MEGF10: variants seen among roughly 807,000 people sequenced by gnomAD.
MEGF10 encodes multiple EGF like domains 10, also known as multiple epidermal growth factor-like domains protein 10.
A neutral mutation model predicts 147.5 loss-of-function variants in MEGF10; 86 were observed. The ratio of observed to expected loss-of-function variants is 0.58; its 90% CI spans 0.49 to 0.70. MEGF10 has a LOEUF of 0.70. Among genes scored for constraint, MEGF10 ranks in the 30% least tolerant of loss-of-function variants. The pLI is 0.00. For missense variants in MEGF10, 1,329 were observed against 1,487.3 expected, an observed-to-expected ratio of 0.89 and a Z score of 1.75; for synonymous variants, 478 against 525.5, an observed-to-expected ratio of 0.91 and a Z score of 1.24.
At chr5:127,385,819 A>G (rs1418418295) in intron 5 of MEGF10, among the ~76,000 whole-genome samples, 3 of 152,198 alleles carry the variant, frequency 2.0e-5, no homozygotes, top group African/African-American at 4.8e-5. Context: ...AATAACAACA[A>G]CGTGGCTGTG....
At chr5:127,264,284 C>A in the MEGF10 span, among the ~76,000 whole-genome samples, 1 of 152,186 alleles carries the variant, frequency 6.6e-6, no homozygotes, top group East Asian at 1.9e-4. Context: ...ATCCTCATAA[C>A]AGGCCTAGGA....
intron 13 of MEGF10, among the ~76,000 whole-genome samples, chr5:127,429,547 C>G: frequency 6.6e-6 from 1 of 152,164 alleles, no homozygotes. Context: ...GTGCTAGGTG[C>G]TATGGTGAGC....
the MEGF10 span, among the ~76,000 whole-genome samples, chr5:127,269,340 A>C: frequency 6.6e-6 from 1 of 152,228 alleles, no homozygotes; most frequent in Non-Finnish European, 1.5e-5. Context: ...AAAACCTCGA[A>C]AAAATGTTAG....
intron 1 of MEGF10, among the ~76,000 whole-genome samples, chr5:127,300,456 G>A (rs974146469): frequency 6.6e-6 from 1 of 152,114 alleles, no homozygotes; most frequent in Non-Finnish European, 1.5e-5. Flanking sequence ...ATGCTTAATG[G>A]GACTTAGTTT....
At chr5:127,415,027 T>G (rs897876768) in intron 9 of MEGF10, among the ~76,000 whole-genome samples, 2 of 151,674 alleles carry the variant, frequency 1.3e-5, no homozygotes, top group Non-Finnish European at 2.9e-5. Flanking sequence ...GTAAGGAAAC[T>G]GCATCCTAAG....
chr5:127,323,375 T>G (rs1472489268), intron 1 of MEGF10, among the ~76,000 whole-genome samples: 1 of 152,172 alleles, frequency 6.6e-6, no homozygotes, highest in Non-Finnish European at 1.5e-5. Context: ...TGGTGCCCTG[T>G]GTGGAAGAAT....
At chr5:127,247,398 GAAGAAGAAGA>G in the MEGF10 span, among the ~76,000 whole-genome samples, 2 of 47,658 alleles carry the variant, frequency 4.2e-5, no homozygotes, top group Non-Finnish European at 8.3e-5. Flanking sequence ...AGAAGAAGAA[GAAGAAGAAGA>G]AGAAGAAGAA....
intron 1 of MEGF10, among the ~76,000 whole-genome samples, chr5:127,320,459 C>G (rs918227216): frequency 6.6e-6 from 1 of 151,940 alleles, no homozygotes; most frequent in Non-Finnish European, 1.5e-5. Flanking sequence ...AGTGAAAGAT[C>G]AGTCTAGATA....
chr5:127,389,867 C>T (rs1763577644), intron 5 of MEGF10, among the ~76,000 whole-genome samples: 1 of 152,052 alleles, frequency 6.6e-6, no homozygotes, highest in Non-Finnish European at 1.5e-5. Context: ...ATGACAAACC[C>T]CCATGACATG....
Position 127,402,551 on chromosome 5 carries a change from A to AGT in MEGF10, c.792_793dup (p.Gly265ValfsTer72). On this transcript the variant is annotated frameshift_variant, in exon 8 of 25. Transcript: ENST00000503335. LOFTEE classifies it high-confidence loss of function. ...CCAAGTCTCTTTGAATGCAGGGCAC[A>AGT]GTGTGTGGTCAGCCTTGCCCCGAGG... 6.2e-7 allele frequency: 1 copy of AGT among 1,613,342 alleles called. No individual in the cohort carries two copies. The highest frequency in any genetic ancestry group is 8.5e-7 in the Non-Finnish European group (1 of 1,179,636).
chr5:127,380,674 C>CTACTTGAGA, intron 5 of MEGF10, among the ~76,000 whole-genome samples: 1 of 152,070 alleles, frequency 6.6e-6, no homozygotes, highest in Admixed American at 6.6e-5. Context: ...CCTGTCACCA[C>CTACTTGAGA]GTCCAGCTAA....
At chr5:127,284,720 A>G in the MEGF10 span, among the ~76,000 whole-genome samples, 1 of 152,218 alleles carries the variant, frequency 6.6e-6, no homozygotes. Context: ...TTATGAGTTT[A>G]CACTCTGCTG....
intron 1 of MEGF10, among the ~76,000 whole-genome samples, chr5:127,315,228 T>C (rs1399543225): frequency 6.7e-6 from 1 of 149,634 alleles, no homozygotes; most frequent in Non-Finnish European, 1.5e-5. Flanking sequence ...AAATTAAAGG[T>C]TTTTTCCCCA....
intron 8 of MEGF10, among the ~76,000 whole-genome samples, chr5:127,403,390 T>A (rs1449617128): frequency 6.6e-6 from 1 of 152,234 alleles, no homozygotes; most frequent in Non-Finnish European, 1.5e-5. Context: ...AAGCACATTA[T>A]GCGGAATGGG....
chr5:127,446,437 AT>A (rs1765944537), intron 20 of MEGF10, among the ~76,000 whole-genome samples: 1 of 152,194 alleles, frequency 6.6e-6, no homozygotes, highest in Non-Finnish European at 1.5e-5. Flanking sequence ...GTGCAGAATT[AT>A]TGTGTCAAGA....
chr5:127,309,054 T>A (rs1281628280), intron 1 of MEGF10, among the ~76,000 whole-genome samples: 1 of 152,104 alleles, frequency 6.6e-6, no homozygotes, highest in African/African-American at 2.4e-5. Flanking sequence ...TGACACAGGA[T>A]CACACTGTTG....
intron 5 of MEGF10, among the ~76,000 whole-genome samples, chr5:127,373,583 G>A (rs1762922691): frequency 6.6e-6 from 1 of 152,130 alleles, no homozygotes; most frequent in Non-Finnish European, 1.5e-5. Flanking sequence ...TTTCAAAGAA[G>A]CCTTGGTACC....
rs1258373687 is a variant in MEGF10, at chr5:127,459,363, A to G, written c.*2045A>G. ...TGACCTGGAACAGGCCTTAGAAACA[A>G]TTGATTTATTCCAATAGTTAACCAC... On this transcript the variant is annotated 3_prime_UTR_variant, in exon 25 of 25. Coordinates refer to ENST00000503335, the MANE Select transcript of MEGF10 (RefSeq NM_001256545.2). 3 of 152,202 alleles carry G rather than the reference A, an allele frequency of 2.0e-5. No individual in the cohort carries two copies. The highest frequency in any genetic ancestry group is 7.2e-5 in the African/African-American group (3 of 41,454). 9.4% of individuals were successfully genotyped at this position (152,202 alleles called of 1,614,324 possible). A position where few individuals can be genotyped will look rare whatever the true frequency, so the allele number is the denominator to read the frequency against.
intron 1 of MEGF10, among the ~76,000 whole-genome samples, chr5:127,302,420 AG>A: frequency 6.6e-6 from 1 of 152,314 alleles, no homozygotes; most frequent in African/African-American, 2.4e-5. Context: ...TATCTAGAAG[AG>A]GCAACTCAAC....
Sources: allele counts gnomAD v4.1 joint callset (sites outside exome capture counted in the v4.1 genomes callset), GRCh38; gene constraint gnomAD v4.1.1; transcripts MANE v1.5; gene names NCBI Gene and HGNC (gene_info 2026-07-23, HGNC 2026-07-21).